HAO1: variants seen among roughly 807,000 people sequenced by gnomAD.
HAO1 encodes the protein hydroxyacid oxidase 1, also known as 2-Hydroxyacid oxidase 1.
HAO1 carries 34 observed loss-of-function variants against 39.7 expected under a neutral mutation model. The ratio of observed to expected loss-of-function variants is 0.86; its 90% CI spans 0.65 to 1.14. The LOEUF (loss-of-function observed/expected upper bound fraction) is 1.14. Among genes scored for constraint, HAO1 ranks in the 50% most tolerant of loss-of-function variants. HAO1 has a pLI of 0.00. For synonymous variants in HAO1, 172 were observed against 173.2 expected (o/e 0.99, Z 0.05); for missense variants, 479 against 464.5 (o/e 1.03, Z -0.29).
In HAO1 at chr20:7,885,872, A is replaced by T; in HGVS notation, c.814-8T>A. ...TTCTGGCAGAACATCAATCTGGGGA[A>T]AGAAAAGTTCAATAATGTGACTCTA... On this transcript the variant is annotated splice_polypyrimidine_tract_variant and splice_region_variant and intron_variant, in intron 5 of 7. Transcript: ENST00000378789. 2.5e-6 allele frequency: 4 copies of T among 1,611,528 alleles called. No homozygotes were observed. The highest frequency in any genetic ancestry group is 3.4e-6 in the Non-Finnish European group (4 of 1,177,946).
chr20:7,883,568 A>G lies in HAO1; in HGVS notation c.*25T>C. On this transcript the variant is annotated 3_prime_UTR_variant, in exon 8 of 8. Coordinates refer to ENST00000378789, the MANE Select transcript of HAO1 (RefSeq NM_017545.3). Reference sequence around the variant, plus strand: ...GTAATACATGCTGAAAAAAAATAATACAGATGGGAAAATATTGTGCACTGT... The same window carrying G: ...GTAATACATGCTGAAAAAAAATAATGCAGATGGGAAAATATTGTGCACTGT... The G allele has an allele frequency of 1.9e-6, 3 of 1,574,348 alleles. No homozygotes were observed. The highest frequency in any genetic ancestry group is 2.6e-6 in the Non-Finnish European group (3 of 1,143,840).
chr20:7,920,734 C>T (rs1400227097), intron 2 of HAO1, among the ~76,000 whole-genome samples: 1 of 152,062 alleles, frequency 6.6e-6, no homozygotes, highest in African/African-American at 2.4e-5. Context: ...GAATAGTATT[C>T]CTTTGTGTAC....
chr20:7,889,566 G>A (rs891699490), intron 5 of HAO1, among the ~76,000 whole-genome samples: 1 of 152,140 alleles, frequency 6.6e-6, no homozygotes, highest in Non-Finnish European at 1.5e-5. Context: ...TTTCTGGGGT[G>A]TAGCAGAGGC....
intron 4 of HAO1, among the ~76,000 whole-genome samples, chr20:7,903,529 TGGTGGTGGA>T (rs1485081398): frequency 1.3e-5 from 2 of 151,372 alleles, no homozygotes; most frequent in Non-Finnish European, 2.9e-5. Context: ...ATACTGGTGG[TGGTGGTGGA>T]GGTGGTGGTG....
Position 7,885,530 on chromosome 20 carries a change from C to A in HAO1, c.1033G>T (p.Ala345Ser). 1 of 1,606,244 alleles carries A rather than the reference C, an allele frequency of 6.2e-7. No individual in the cohort carries two copies. Reference protein sequence around the residue: ...ILKEEFRLAMALSGCQNVKVI... With the variant: ...ILKEEFRLAMSLSGCQNVKVI... ...CAAGAATGAGTCTTACCACTCAGAG[C>A]CATGGCCAACCGGAATTCTTCCTTT... Residue 345 changes from alanine (A) to serine (S), a missense_variant, in exon 7 of 8, where the codon GCT (alanine) becomes TCT (serine). Coordinates refer to ENST00000378789, the MANE Select transcript of HAO1 (RefSeq NM_017545.3).
rs1167177393 is a variant in HAO1, at chr20:7,914,270, C to T, written c.439G>A (p.Ala147Thr). 1 of 1,614,054 alleles carries T rather than the reference C, an allele frequency of 6.2e-7. No homozygotes were observed. The change falls in exon 3 of 8, where the codon GCA becomes ACA. Residue 147 changes from alanine to threonine, a missense_variant. By Grantham distance (58) the Ala-to-Thr change is moderately conservative. Transcript: ENST00000378789. The part of the protein sequence containing the change: ...REVTKKLVRQ[A>T]EKMGYKAIFV... ...ATGGCCTTGTAGCCCATCTTCTCTG[C>T]CTGCCGCACTAGCTTCTTGGTGACT...
At chr20:7,922,055 C>T (rs1198267164) in intron 2 of HAO1, among the ~76,000 whole-genome samples, 10 of 152,132 alleles carry the variant, frequency 6.6e-5, no homozygotes, top group Non-Finnish European at 2.9e-5. Context: ...ACCTCAGCAT[C>T]ATGCAATATA....
intron 4 of HAO1, among the ~76,000 whole-genome samples, chr20:7,903,427 T>A (rs2050230164): frequency 6.6e-6 from 1 of 151,998 alleles, no homozygotes; most frequent in South Asian, 2.1e-4. Context: ...GAAATCCATA[T>A]GGATGAGAAG....
rs201216901 is a variant in HAO1, at chr20:7,885,563, C to T, written c.1000G>A (p.Glu334Lys). ...QGEKGVQDVLEILKEEFRLAM... is the reference protein window; with the variant it reads ...QGEKGVQDVLKILKEEFRLAM... ...AACCGGAATTCTTCCTTTAGTATCT[C>T]GAGGACATCTTGAACACCTTTCTCC... Residue 334 changes from glutamate to lysine, a missense_variant, in exon 7 of 8, where the codon GAG becomes AAG. Coordinates refer to ENST00000378789, the MANE Select transcript of HAO1 (RefSeq NM_017545.3). 674 of 1,611,818 alleles carry T rather than the reference C, an allele frequency of 4.2e-4. 9 individuals carry two copies. The South Asian group carries it at 6.9e-3, about 16-fold the overall frequency.
intron 3 of HAO1, among the ~76,000 whole-genome samples, chr20:7,912,008 G>A (rs1474272990): frequency 6.6e-6 from 1 of 152,216 alleles, no homozygotes; most frequent in Non-Finnish European, 1.5e-5. Flanking sequence ...AGTCCACTAG[G>A]ACAAACAACA....
At chr20:7,902,862 A>C (rs2050227006) in intron 4 of HAO1, among the ~76,000 whole-genome samples, 1 of 152,234 alleles carries the variant, frequency 6.6e-6, no homozygotes, top group Non-Finnish European at 1.5e-5. Flanking sequence ...TTAACCACAC[A>C]CAGTAAGAGA....
chr20:7,920,915 G>A (rs2050328164), intron 2 of HAO1, among the ~76,000 whole-genome samples: 1 of 152,050 alleles, frequency 6.6e-6, no homozygotes. Flanking sequence ...GGATCATATG[G>A]CAATTCTATT....
chr20:7,912,764 A>T (rs1236222143), intron 3 of HAO1, among the ~76,000 whole-genome samples: 1 of 152,172 alleles, frequency 6.6e-6, no homozygotes. Context: ...TATGTGGAAC[A>T]GTTTTATTGG....
chr20:7,883,301 C>A lies in HAO1; in HGVS notation c.*292G>T. On this transcript the variant is annotated 3_prime_UTR_variant, in exon 8 of 8. Coordinates refer to ENST00000378789, the MANE Select transcript of HAO1 (RefSeq NM_017545.3). ...CCTCCAATTTTACTAAAGGATACAG[C>A]ACTTTAGCCTGCCAGGGGATGACGT... 1 of 408,226 alleles carries A rather than the reference C, an allele frequency of 2.4e-6. No individual in the cohort carries two copies. Among genetic ancestry groups the A allele is most frequent in the South Asian group, 3.2e-5 (1 of 30,786 alleles). 25.3% of individuals were successfully genotyped at this position (408,226 alleles called of 1,614,324 possible). A position where few individuals can be genotyped will look rare whatever the true frequency, so the allele number is the denominator to read the frequency against.
intron 4 of HAO1, among the ~76,000 whole-genome samples, chr20:7,898,932 T>A (rs2050209100): frequency 7.2e-6 from 1 of 139,040 alleles, no homozygotes; most frequent in Non-Finnish European, 1.6e-5. Context: ...GATCCTGAAC[T>A]TCAAGTCAAA....
chr20:7,923,084 T>C (rs1000409151), intron 2 of HAO1, among the ~76,000 whole-genome samples: 1 of 152,078 alleles, frequency 6.6e-6, no homozygotes, highest in East Asian at 1.9e-4. Context: ...CTTTCTAAAC[T>C]GCCATTCAAT....
intron 5 of HAO1, among the ~76,000 whole-genome samples, chr20:7,889,232 T>A (rs2050163446): frequency 6.6e-6 from 1 of 151,618 alleles, no homozygotes; most frequent in African/African-American, 2.4e-5. Context: ...TCACAGAACA[T>A]CCCCAAGAAC....
Position 7,906,288 on chromosome 20 carries a change from T to A in HAO1, c.587A>T (p.Glu196Val), listed in dbSNP as rs1423691917. 1 of 1,612,110 alleles carries A rather than the reference T, an allele frequency of 6.2e-7. No homozygotes were observed. Among genetic ancestry groups the A allele is most frequent in the Non-Finnish European group, 8.5e-7 (1 of 1,178,300 alleles). Residue 196 changes from glutamate to valine, a missense_variant, in exon 4 of 8, where the codon GAG becomes GTG. By Grantham distance (121) the Glu-to-Val change is moderately radical. Transcript: ENST00000378789. ...TCCACTGTCGTCTCCAAAATTTTCC[T>A]CAGGAGAAAATGATAAAGTACTGGT... ...FETSTLSFSP[E>V]ENFGDDSGLA...
At chr20:7,931,062 G>A (rs1047391817) in intron 2 of HAO1, among the ~76,000 whole-genome samples, 2 of 152,102 alleles carry the variant, frequency 1.3e-5, no homozygotes, top group Non-Finnish European at 2.9e-5. Flanking sequence ...TAAAACATAG[G>A]TGAAAACTTA....
Sources: gnomAD v4.1 joint callset for allele counts (sites outside exome capture counted in the v4.1 genomes callset) on GRCh38, gnomAD v4.1.1 for gene constraint, MANE v1.5 for transcripts, NCBI Gene and HGNC (gene_info 2026-07-23, HGNC 2026-07-21) for gene names.